UPP2: variants seen among roughly 807,000 people sequenced by gnomAD.
The protein encoded by UPP2 is UPase 2.
A neutral mutation model predicts 26.7 loss-of-function variants in UPP2; 23 were observed. The ratio of observed to expected loss-of-function variants is 0.86; its 90% CI spans 0.62 to 1.22. The LOEUF (loss-of-function observed/expected upper bound fraction) is 1.22. Ranked by LOEUF, UPP2 falls within the 50% of genes most tolerant of loss-of-function variation. The probability of loss-of-function intolerance (pLI) is 0.00; values close to 1 mark genes in which losing one functional copy is unlikely to be tolerated. For synonymous variants in UPP2, 127 were observed against 141.3 expected, an observed-to-expected ratio of 0.90 and a Z score of 0.72; for missense variants, 387 against 396.7, an observed-to-expected ratio of 0.98 and a Z score of 0.21.
chr2:158,009,477 G>A (rs1217449019), intron 2 of UPP2, among the ~76,000 whole-genome samples: 1 of 152,228 alleles, frequency 6.6e-6, no homozygotes, highest in African/African-American at 2.4e-5. Context: ...GGATAGCCAA[G>A]ACGCACATTT....
At chr2:158,094,986 C>T (rs1009212976) in intron 3 of UPP2, among the ~76,000 whole-genome samples, 3 of 152,108 alleles carry the variant, frequency 2.0e-5, no homozygotes, top group Non-Finnish European at 2.9e-5. Flanking sequence ...TTGAAGTCAC[C>T]AGAATGGCCA....
chr2:158,116,981 T>C (rs1188480712), intron 3 of UPP2, among the ~76,000 whole-genome samples: 4 of 152,064 alleles, frequency 2.6e-5, no homozygotes, highest in Non-Finnish European at 5.9e-5. Context: ...AACATCATGG[T>C]CACGGCCAAT....
Position 158,101,969 on chromosome 2 carries a change from T to G in UPP2, c.-95T>G. On this transcript the variant is annotated 5_prime_UTR_variant, in exon 1 of 7. Coordinates refer to ENST00000005756, the MANE Select transcript of UPP2 (RefSeq NM_173355.4). ...AGAGGTTATCATTCTGACTGGGAAC[T>G]GAACTATTATGACTAGGTCTATAAT... 1 of 1,521,096 alleles carries G rather than the reference T, an allele frequency of 6.6e-7. No homozygotes were observed. The highest frequency in any genetic ancestry group is 8.8e-7 in the Non-Finnish European group (1 of 1,136,672). The allele number at this position is 1,521,096 out of a possible 1,614,324, so 94.2% of individuals were successfully genotyped here.
chr2:158,117,388 C>T (rs1160491188), intron 3 of UPP2, among the ~76,000 whole-genome samples: 1 of 152,022 alleles, frequency 6.6e-6, no homozygotes, highest in Admixed American at 6.6e-5. Context: ...AATGGATTCA[C>T]TATTTCATTT....
intron 2 of UPP2, among the ~76,000 whole-genome samples, chr2:158,009,462 T>C (rs1683543125): frequency 6.6e-6 from 1 of 152,170 alleles, no homozygotes; most frequent in Admixed American, 6.5e-5. Flanking sequence ...GATTTTACAG[T>C]TGAAGGATAG....
intron 3 of UPP2, among the ~76,000 whole-genome samples, chr2:158,024,168 G>T (rs571692351): frequency 5.9e-5 from 9 of 152,216 alleles, no homozygotes; most frequent in Non-Finnish European, 1.3e-4. Flanking sequence ...CGGATATAGG[G>T]ATCCCCTGGA....
At chr2:158,060,259 G>A (rs529816352) in intron 3 of UPP2, among the ~76,000 whole-genome samples, 1 of 152,160 alleles carries the variant, frequency 6.6e-6, no homozygotes, top group African/African-American at 2.4e-5. Flanking sequence ...AAGCTCCTAA[G>A]GCTTTCCAAG....
At chr2:158,053,763 A>G (rs1682198447) in intron 3 of UPP2, among the ~76,000 whole-genome samples, 1 of 152,224 alleles carries the variant, frequency 6.6e-6, no homozygotes, top group South Asian at 2.1e-4. Context: ...ACACATTACC[A>G]TAGTTTACTC....
At chr2:158,098,221 A>G (rs1485230845), upstream of UPP2, among the ~76,000 whole-genome samples, 2 of 152,134 alleles carry the variant, frequency 1.3e-5, no homozygotes, top group Non-Finnish European at 2.9e-5. Context: ...AAATGGTGCA[A>G]GAGGCAGGCC....
At chr2:158,052,727 C>T (rs925617025) in intron 3 of UPP2, among the ~76,000 whole-genome samples, 5 of 152,034 alleles carry the variant, frequency 3.3e-5, no homozygotes, top group East Asian at 1.9e-4. Context: ...TCTTCACTGT[C>T]GTCATCATCA....
chr2:158,006,461 A>G (rs1474272682), intron 2 of UPP2, among the ~76,000 whole-genome samples: 2 of 142,074 alleles, frequency 1.4e-5, no homozygotes, highest in African/African-American at 2.7e-5. Context: ...TGGGTGAAAG[A>G]GCGAGACTCC....
chr2:158,119,973 T>G (rs901515849), intron 4 of UPP2, among the ~76,000 whole-genome samples: 12 of 149,534 alleles, frequency 8.0e-5, no homozygotes, highest in African/African-American at 3.0e-4. Context: ...ATCACCCCAC[T>G]ACATTACAGC....
intron 3 of UPP2, among the ~76,000 whole-genome samples, chr2:158,071,253 C>T (rs764155067): frequency 2.6e-5 from 4 of 152,026 alleles, no homozygotes; most frequent in Non-Finnish European, 2.9e-5. Flanking sequence ...CAGTGCAACT[C>T]GCAGCAACAA....
At chr2:158,048,983 G>A (rs1035494068) in intron 3 of UPP2, among the ~76,000 whole-genome samples, 1 of 152,148 alleles carries the variant, frequency 6.6e-6, no homozygotes, top group Non-Finnish European at 1.5e-5. Flanking sequence ...CTCCACTATG[G>A]CATCTCCCTT....
intron 6 of UPP2, among the ~76,000 whole-genome samples, chr2:158,125,417 ACT>A (rs1683671778): frequency 7.1e-6 from 1 of 141,132 alleles, no homozygotes. Flanking sequence ...GCATTTTTGT[ACT>A]CTTTTTTTTT....
intron 3 of UPP2, among the ~76,000 whole-genome samples, chr2:158,077,328 C>T (rs1024052502): frequency 8.6e-5 from 13 of 151,780 alleles, no homozygotes; most frequent in Non-Finnish European, 1.9e-4. Flanking sequence ...AGACTCAAAA[C>T]AGCCAAGGCT....
intron 3 of UPP2, among the ~76,000 whole-genome samples, chr2:158,043,371 CA>C (rs147885273): frequency 0.038 from 5,730 of 152,220 alleles, 150 homozygotes; most frequent in Admixed American, 0.054. Flanking sequence ...AAAAGGGCAT[CA>C]GGGGTTGACC....
At position 158,108,887 on chromosome 2, in the gene UPP2, CGTGTGTGTGTGTGT is replaced by C. The variant is rs748328980; in HGVS notation, c.180+2704_180+2717del. ...CATTTTGATGAATAGGAGGCAAAAG[CGTGTGTGTGTGTGT>C]GTGTGTGTGTGTGTGTGTGTGTGTG... On this transcript the variant is annotated intron_variant, in intron 2 of 6. Transcript: ENST00000005756. 4.3e-3 allele frequency among the ~76,000 whole-genome samples: 572 copies of C among 133,128 alleles called. 9 individuals are homozygous for C. Among genetic ancestry groups the C allele is most frequent in the South Asian group, 0.036 (133 of 3,716 alleles). The allele number at this position is 133,128 out of a possible 152,430, so 87.3% of individuals were successfully genotyped here.
At chr2:158,060,173 G>C (rs1290725696) in intron 3 of UPP2, among the ~76,000 whole-genome samples, 1 of 152,066 alleles carries the variant, frequency 6.6e-6, no homozygotes, top group African/African-American at 2.4e-5. Context: ...ATGGTGATTA[G>C]GAGGGCAGGC....
Sources: allele counts gnomAD v4.1 joint callset (sites outside exome capture counted in the v4.1 genomes callset), GRCh38; gene constraint gnomAD v4.1.1; transcripts MANE v1.5; gene names NCBI Gene and HGNC (gene_info 2026-07-23, HGNC 2026-07-21).